Variants in JCAD observed in about 807,000 individuals in gnomAD.
JCAD encodes the protein junctional cadherin 5-associated protein.
In JCAD, 40 loss-of-function variants were observed where a neutral mutation model predicts 98.0. The observed-to-expected ratio is 0.41, with a 90% confidence interval of 0.32 to 0.53. The LOEUF is 0.53. Among genes scored for constraint, JCAD ranks in the 20% least tolerant of loss-of-function variants. JCAD has a pLI of 0.31. For synonymous variants in JCAD, 691 were observed against 682.3 expected, an observed-to-expected ratio of 1.01 and a Z score of -0.20; for missense variants, 1,705 against 1,738.1, an observed-to-expected ratio of 0.98 and a Z score of 0.34.
chr10:30,085,026 A>G (rs781502501), intron 1 of JCAD, among the ~76,000 whole-genome samples: 14 of 152,348 alleles, frequency 9.2e-5, no homozygotes, highest in African/African-American at 1.9e-4. Context: ...CCATCACATT[A>G]ATAAAATAAA....
At chr10:30,100,549 T>G (rs1838453956) in intron 1 of JCAD, among the ~76,000 whole-genome samples, 1 of 152,108 alleles carries the variant, frequency 6.6e-6, no homozygotes, top group Admixed American at 6.5e-5. Flanking sequence ...ACCCAGCTAA[T>G]TTTTTGGTAT....
chr10:30,100,141 A>G (rs1387417948), intron 1 of JCAD, among the ~76,000 whole-genome samples: 1 of 152,178 alleles, frequency 6.6e-6, no homozygotes, highest in Non-Finnish European at 1.5e-5. Context: ...CTCCATCTGT[A>G]AAGGCGCACC....
rs745522927 is a variant in JCAD, at chr10:30,028,865, T to G, written c.1283A>C (p.Asp428Ala). ...TAGTTTAAAATGTCGTAACCGTGGA[T>G]CATCAAAGGGAATGTACTGAACGAA... is the stretch of plus-strand genomic sequence containing the variant. The part of the protein sequence containing the change: ...DGFVQYIPFD[D>A]PRLRHFKLAQ... Residue 428 changes from aspartate to alanine, a missense_variant, in exon 3 of 4, where the codon GAT (aspartate) becomes GCT (alanine). Physicochemically the swap from Asp to Ala is moderately radical, Grantham distance 126. This residue lies in a region of JCAD where 1,278 missense variants were observed against 1,243.1 expected (regional missense o/e 1.03). Coordinates refer to ENST00000375377, the MANE Select transcript of JCAD (RefSeq NM_020848.4). The G allele has an allele frequency of 3.7e-6, 6 of 1,614,132 alleles. No homozygotes were observed. The South Asian group carries it at 6.6e-5, about 18-fold the overall frequency.
At chr10:30,084,117 G>A (rs930972776) in intron 1 of JCAD, among the ~76,000 whole-genome samples, 6 of 145,850 alleles carry the variant, frequency 4.1e-5, no homozygotes, top group African/African-American at 1.5e-4. Flanking sequence ...GAAAGAAAAA[G>A]AAAGAGAAAG....
upstream of JCAD, among the ~76,000 whole-genome samples, chr10:30,063,633 T>C (rs1837737064): frequency 6.6e-6 from 1 of 152,196 alleles, no homozygotes; most frequent in Non-Finnish European, 1.5e-5. Context: ...TTGTCTTCAC[T>C]GACACATAAT....
intron 1 of JCAD, among the ~76,000 whole-genome samples, chr10:30,109,187 C>G (rs1046689960): frequency 6.6e-6 from 1 of 152,122 alleles, no homozygotes; most frequent in Non-Finnish European, 1.5e-5. Flanking sequence ...AGGGAGACTA[C>G]GATTGGCGGA....
At chr10:30,022,414 CTTA>C (rs3074759) in intron 3 of JCAD, among the ~76,000 whole-genome samples, 58,296 of 151,768 alleles carry the variant, frequency 0.38, 11,204 homozygotes, top group Middle Eastern at 0.44. Context: ...GATGAGGATT[CTTA>C]TGTTTAAAAT....
intron 1 of JCAD, among the ~76,000 whole-genome samples, chr10:30,049,699 G>T (rs958682974): frequency 6.6e-6 from 1 of 152,148 alleles, no homozygotes; most frequent in Non-Finnish European, 1.5e-5. Context: ...AGAAGCAAGG[G>T]TTTGTTCTTT....
chr10:30,030,254 T>C (rs777963639), intron 2 of JCAD, among the ~76,000 whole-genome samples: 4 of 152,142 alleles, frequency 2.6e-5, no homozygotes, highest in Non-Finnish European at 5.9e-5. Context: ...GACCAGCCTG[T>C]GCAACATAGT....
chr10:30,115,005 G>T (rs936487128), intron 1 of JCAD, among the ~76,000 whole-genome samples: 4 of 152,168 alleles, frequency 2.6e-5, no homozygotes, highest in African/African-American at 9.7e-5. Context: ...GCTGGGAACC[G>T]CTTCTGTATG....
At chr10:30,100,129 T>C (rs1838444643) in intron 1 of JCAD, among the ~76,000 whole-genome samples, 3 of 152,206 alleles carry the variant, frequency 2.0e-5, no homozygotes, top group African/African-American at 7.2e-5. Flanking sequence ...TGCTCACCAT[T>C]GCTCCATCTG....
intron 2 of JCAD, among the ~76,000 whole-genome samples, chr10:30,032,008 C>T (rs1837012880): frequency 6.6e-6 from 1 of 152,138 alleles, no homozygotes; most frequent in African/African-American, 2.4e-5. Flanking sequence ...CCCGCCTCGG[C>T]CTCCCAAAGT....
chr10:30,079,738 T>A (rs1838048415), intron 1 of JCAD, among the ~76,000 whole-genome samples: 1 of 152,182 alleles, frequency 6.6e-6, no homozygotes, highest in Admixed American at 6.5e-5. Flanking sequence ...ATCACAACTA[T>A]AATTCATGGG....
chr10:30,024,571 G>T lies in JCAD; in HGVS notation c.4045+1532C>A, dbSNP rs541084316. 2.6e-5 allele frequency among the ~76,000 whole-genome samples: 4 copies of T among 152,244 alleles called. No homozygotes were observed. In the South Asian group the frequency reaches 6.2e-4, roughly 24 times the overall value. On this transcript the variant is annotated intron_variant, in intron 3 of 3. Coordinates refer to ENST00000375377, the MANE Select transcript of JCAD (RefSeq NM_020848.4). ...TTGTCCAACTAGAGGATCCAACGGG[G>T]CCCCGACGAAGGATTATTTCAATCA... is the stretch of plus-strand genomic sequence containing the variant.
At chr10:30,019,962 C>T (rs1007871728) in intron 3 of JCAD, among the ~76,000 whole-genome samples, 19 of 147,202 alleles carry the variant, frequency 1.3e-4, no homozygotes, top group African/African-American at 4.3e-4. Context: ...CAGCAAGTCT[C>T]GGCATGGTCA....
At chr10:30,081,446 A>AT (rs1047112332) in intron 1 of JCAD, among the ~76,000 whole-genome samples, 16 of 151,874 alleles carry the variant, frequency 1.1e-4, no homozygotes, top group African/African-American at 3.9e-4. Context: ...TTTTTATTTT[A>AT]TTTTTGAGAT....
In JCAD at chr10:30,047,672, A is replaced by T. The variant is rs1259434641; in HGVS notation, c.141T>A (p.His47Gln). The change falls in exon 2 of 4, where the codon CAT becomes CAA. Residue 47 changes from histidine (H) to glutamine (Q), a missense_variant. Physicochemically the swap from His to Gln is conservative, Grantham distance 24. Coordinates refer to ENST00000375377, the MANE Select transcript of JCAD (RefSeq NM_020848.4). Reference sequence around the variant, plus strand: ...GTGCGAGGGCCGCAGGGCCATCCTCATGCCCGTTCTGCAGGCCCTGGCCTG... The same window carrying T: ...GTGCGAGGGCCGCAGGGCCATCCTCTTGCCCGTTCTGCAGGCCCTGGCCTG... ...TRAGQGLQNG[H>Q]EDGPAALAHR... 1.9e-6 allele frequency: 3 copies of T among 1,614,150 alleles called. No homozygotes were observed. Among genetic ancestry groups the T allele is most frequent in the Admixed American group, 1.7e-5 (1 of 60,026 alleles).
In JCAD at chr10:30,029,477, T is replaced by G. The variant is rs768209211; in HGVS notation, c.671A>C (p.Gln224Pro). The G allele has an allele frequency of 7.4e-6, 12 of 1,613,734 alleles. No individual in the cohort carries two copies. The highest frequency in any genetic ancestry group is 1.7e-4 in the Middle Eastern group (1 of 6,058). Residue 224 changes from glutamine to proline, a missense_variant, in exon 3 of 4, where the codon CAA becomes CCA. Coordinates refer to ENST00000375377, the MANE Select transcript of JCAD (RefSeq NM_020848.4). ...CAGTGAGCGAGACTTCCCTTTGTTT[T>G]GAGAATTCAACACATGTTCTCCTTG... is the stretch of plus-strand genomic sequence containing the variant. ...FIQGEHVLNS[Q>P]NKGKSRSLPR...
chr10:30,051,570 GA>G (rs201131558), intron 1 of JCAD, among the ~76,000 whole-genome samples: 4,068 of 150,350 alleles, frequency 0.027, 184 homozygotes, highest in African/African-American at 0.094. Context: ...AATTCTTAAA[GA>G]AAAAAAAAGT....
Sources: gnomAD v4.1 joint callset for allele counts (sites outside exome capture counted in the v4.1 genomes callset) on GRCh38, gnomAD v4.1.1 for gene constraint, gnomAD v4.1.1 regional missense constraint, MANE v1.5 for transcripts, NCBI Gene and HGNC (gene_info 2026-07-23, HGNC 2026-07-21) for gene names.